The following WWC2 variants were observed in gnomAD, a reference collection of about 807,000 sequenced individuals.
The protein encoded by WWC2 is protein WWC2.
In WWC2, 101 loss-of-function variants were observed where a neutral mutation model predicts 138.5. That is an observed-to-expected ratio of 0.73 (90% CI 0.62 to 0.86). The LOEUF is 0.86. WWC2 is among the 40% of genes least tolerant of loss of function. WWC2 has a pLI of 0.00. For synonymous variants in WWC2, 558 were observed against 538.4 expected, an observed-to-expected ratio of 1.04 and a Z score of -0.50; for missense variants, 1,420 against 1,419.4, an observed-to-expected ratio of 1.00 and a Z score of -0.01.
intron 2 of WWC2, among the ~76,000 whole-genome samples, chr4:183,194,863 ATTAG>A (rs1267452210): frequency 6.6e-6 from 1 of 152,218 alleles, no homozygotes; most frequent in African/African-American, 2.4e-5. Flanking sequence ...ACTGTACATT[ATTAG>A]TTCAACACAA....
intron 1 of WWC2, among the ~76,000 whole-genome samples, chr4:183,151,596 A>G (rs1006084639): frequency 2.6e-5 from 4 of 152,154 alleles, no homozygotes; most frequent in Non-Finnish European, 4.4e-5. Flanking sequence ...TTGGTGTTTT[A>G]GACATGAAGT....
At chr4:183,228,368 G>A (rs1178023570) in intron 4 of WWC2, among the ~76,000 whole-genome samples, 2 of 152,026 alleles carry the variant, frequency 1.3e-5, no homozygotes, top group Non-Finnish European at 2.9e-5. Context: ...AGATCAAGCA[G>A]ATTTAAAAAT....
chr4:183,200,693 AG>A (rs1017033886), intron 2 of WWC2, among the ~76,000 whole-genome samples: 2 of 152,182 alleles, frequency 1.3e-5, no homozygotes, highest in African/African-American at 2.4e-5. Flanking sequence ...TGCTGGCCAC[AG>A]GCCTCCCTCA....
rs1234462011 is a variant in WWC2, at chr4:183,164,331, ATATATAC to A, written c.132-29267_132-29261del. 5.1e-3 allele frequency among the ~76,000 whole-genome samples: 4 copies of A among 786 alleles called. 1 individual carries two copies. The highest frequency in any genetic ancestry group is 0.012 in the Non-Finnish European group (3 of 244). 0.5% of individuals were successfully genotyped at this position (786 alleles called of 152,430 possible). On this transcript the variant is annotated intron_variant, in intron 1 of 22. Coordinates refer to ENST00000403733, the MANE Select transcript of WWC2 (RefSeq NM_024949.6). ...ATATATTATATATACATATATATAT[ATATATAC>A]ATATATATATTATATATACATATAT...
chr4:183,250,809 A>G (rs1736956042), intron 8 of WWC2, among the ~76,000 whole-genome samples: 1 of 152,212 alleles, frequency 6.6e-6, no homozygotes, highest in Non-Finnish European at 1.5e-5. Context: ...AGAAACAGGA[A>G]TTTATCATGT....
At position 183,246,820 on chromosome 4, in the gene WWC2, A is replaced by G. The variant is rs146953713; in HGVS notation, c.732+1275A>G. Among the ~76,000 whole-genome samples the G allele has an allele frequency of 5.7e-3, 869 of 152,274 alleles. 15 individuals are homozygous for G. Among genetic ancestry groups the G allele is most frequent in the African/African-American group, 0.019 (796 of 41,560 alleles). On this transcript the variant is annotated intron_variant, in intron 6 of 22. Transcript: ENST00000403733. Reference sequence around the variant, plus strand: ...GTGTGTATTTTGGTTTTGTTCCACAATTGTCTTGCTGATTAAGTCAGTCAT... The same window carrying G: ...GTGTGTATTTTGGTTTTGTTCCACAGTTGTCTTGCTGATTAAGTCAGTCAT...
intron 16 of WWC2, among the ~76,000 whole-genome samples, chr4:183,274,096 C>T (rs939438414): frequency 2.6e-5 from 4 of 152,190 alleles, no homozygotes; most frequent in African/African-American, 9.6e-5. Flanking sequence ...TGTACTTAAG[C>T]TAGTACTGCA....
At chr4:183,099,995 T>C (rs532951582) in intron 1 of WWC2, among the ~76,000 whole-genome samples, 186 of 152,316 alleles carry the variant, frequency 1.2e-3, no homozygotes, top group African/African-American at 4.3e-3. Flanking sequence ...GGGGGTGGGC[T>C]AGGGCCTCAC....
intron 1 of WWC2, among the ~76,000 whole-genome samples, chr4:183,134,296 A>T (rs966373320): frequency 1.3e-5 from 2 of 148,598 alleles, no homozygotes; most frequent in African/African-American, 2.5e-5. Context: ...ATATTTCTGT[A>T]CTTCTACTTT....
At chr4:183,138,351 CT>C (rs1733185534) in intron 1 of WWC2, among the ~76,000 whole-genome samples, 1 of 152,070 alleles carries the variant, frequency 6.6e-6, no homozygotes. Context: ...AGTTTCCTCA[CT>C]TTGGTCAAAC....
intron 4 of WWC2, among the ~76,000 whole-genome samples, chr4:183,231,355 C>T (rs1372705701): frequency 1.3e-5 from 2 of 149,968 alleles, no homozygotes; most frequent in Non-Finnish European, 3.0e-5. Context: ...TCACAACCTC[C>T]GCCTCCTGTG....
Position 183,320,363 on chromosome 4 carries a change from G to T in WWC2, c.*4634G>T. On this transcript the variant is annotated 3_prime_UTR_variant, in exon 23 of 23. Transcript: ENST00000403733. ...GAGGATTCTTGCCAGAGTTGCTATT[G>T]TTTGATTCCATGTTGAATGGGTTTC... is the stretch of plus-strand genomic sequence containing the variant. The T allele has an allele frequency of 1.3e-6, 1 of 787,688 alleles. No individual in the cohort carries two copies. The highest frequency in any genetic ancestry group is 2.0e-6 in the Non-Finnish European group (1 of 495,470). The allele number at this position is 787,688 out of a possible 1,614,324, so 48.8% of individuals were successfully genotyped here.
chr4:183,306,881 CAA>C (rs55750701), intron 21 of WWC2, among the ~76,000 whole-genome samples: 18 of 85,072 alleles, frequency 2.1e-4, no homozygotes, highest in African/African-American at 3.2e-4. Context: ...ATATATGAGG[CAA>C]AAAAAAAAAA....
chr4:183,213,971 T>C (rs1041337592), intron 4 of WWC2, among the ~76,000 whole-genome samples: 1 of 151,934 alleles, frequency 6.6e-6, no homozygotes, highest in South Asian at 2.1e-4. Context: ...AGGTGAAATT[T>C]GGTGAAAATT....
In WWC2 at chr4:183,121,128, A is replaced by G. The variant is rs1732587077; in HGVS notation, c.131+21506A>G. On this transcript the variant is annotated intron_variant, in intron 1 of 22. Transcript: ENST00000403733. ...AGCTACTTGGGAGGCTGAGGTGGGAAGTCAAGGCTGCAGTAAGCTGTGATG... is the reference window on the plus strand; with the variant it reads ...AGCTACTTGGGAGGCTGAGGTGGGAGGTCAAGGCTGCAGTAAGCTGTGATG... 2.0e-5 allele frequency among the ~76,000 whole-genome samples: 3 copies of G among 152,012 alleles called. No individual in the cohort carries two copies. The South Asian group carries it at 6.2e-4, about 32-fold the overall frequency.
rs533204238 is a variant in WWC2 at position 183,268,658 on chromosome 4, G to A, written c.2208-313G>A. Among the ~76,000 whole-genome samples, 10 of 152,248 alleles carry A rather than the reference G, an allele frequency of 6.6e-5. No individual in the cohort carries two copies. The South Asian group carries it at 2.1e-3, about 32-fold the overall frequency. ...TATTTTGGAATTGGCTGTCCATGGG[G>A]CAGGTGGGACGTTAAATTCGTCTGC... is the stretch of plus-strand genomic sequence containing the variant. On this transcript the variant is annotated intron_variant, in intron 14 of 22. Transcript: ENST00000403733.
intron 1 of WWC2, among the ~76,000 whole-genome samples, chr4:183,104,836 TAG>T (rs1743298751): frequency 6.6e-6 from 1 of 152,234 alleles, no homozygotes; most frequent in Non-Finnish European, 1.5e-5. Flanking sequence ...GTGACATTAA[TAG>T]TCCATAGCTT....
At chr4:183,250,098 A>G (rs1736928965) in intron 8 of WWC2, 105 bp downstream of exon 8, 3 of 1,005,036 alleles carry the variant, frequency 3.0e-6, no homozygotes. Flanking sequence ...ATACATTCTT[A>G]CCAAGGCCAC....
intron 1 of WWC2, among the ~76,000 whole-genome samples, chr4:183,110,234 C>A (rs575484742): frequency 2.0e-5 from 3 of 152,054 alleles, no homozygotes; most frequent in Non-Finnish European, 2.9e-5. Context: ...TTTGGAAGTA[C>A]CATAGTTGTT....
Sources: allele counts gnomAD v4.1 joint callset (sites outside exome capture counted in the v4.1 genomes callset), GRCh38; gene constraint gnomAD v4.1.1; transcripts MANE v1.5; gene names NCBI Gene and HGNC (gene_info 2026-07-23, HGNC 2026-07-21).